SEM1: variants seen among roughly 807,000 people sequenced by gnomAD.
SEM1 encodes the protein SEM1 26S proteasome subunit.
SEM1 carries 3 observed loss-of-function variants against 12.7 expected under a neutral mutation model. The ratio of observed to expected loss-of-function variants is 0.24; its 90% CI spans 0.11 to 0.61. The LOEUF is 0.61. SEM1 is among the 20% of genes least tolerant of loss of function. The probability of loss-of-function intolerance (pLI) is 0.88; values close to 1 mark genes in which losing one functional copy is unlikely to be tolerated. For synonymous variants in SEM1, 30 were observed against 27.8 expected (o/e 1.08, Z -0.25); for missense variants, 59 against 81.3 (o/e 0.73, Z 1.06).
intron 1 of SEM1, among the ~76,000 whole-genome samples, chr7:96,707,901 T>C (rs1351175286): frequency 2.6e-5 from 4 of 152,230 alleles, no homozygotes; most frequent in African/African-American, 7.2e-5. Flanking sequence ...CTACTATGTA[T>C]CAGGCACTTT....
downstream of SEM1, among the ~76,000 whole-genome samples, chr7:96,686,451 C>G (rs115314957): frequency 1.5e-3 from 222 of 152,274 alleles, no homozygotes; most frequent in African/African-American, 5.0e-3. Flanking sequence ...AAGTGGCCAT[C>G]ATTCAGGCCA....
chr7:96,593,912 GT>G lies in SEM1; in HGVS notation c.171-87215del, dbSNP rs538448382. 7.0e-3 allele frequency among the ~76,000 whole-genome samples: 990 copies of G among 141,528 alleles called. 10 individuals carry two copies. The highest frequency in any genetic ancestry group is 0.024 in the African/African-American group (916 of 38,626). The allele number at this position is 141,528 out of a possible 152,430, so 92.8% of individuals were successfully genotyped here. On this transcript the variant is annotated intron_variant and NMD_transcript_variant, in intron 2 of 3. Coordinates refer to the SEM1 transcript ENST00000466986. The stretch of plus-strand genomic sequence containing the variant: ...ACTATGTAGATAAAAAGTTGGGTTT[GT>G]TTTTTTTTTAATAAGCAAAACTGGA...
In SEM1 at chr7:96,634,027, A is replaced by T. The variant is rs572415564; in HGVS notation, c.171-11384T>A. ...AATGTCTTTAAAAGATAGGTAGGTA[A>T]CCTAAATGCATGATCTCTCCTTGTG... On this transcript the variant is annotated intron_variant, in intron 2 of 2. Coordinates refer to the SEM1 transcript ENST00000417009. Among the ~76,000 whole-genome samples, 91 of 152,250 alleles carry T rather than the reference A, an allele frequency of 6.0e-4. 2 individuals carry two copies. In the South Asian group the frequency reaches 0.018, roughly 30 times the overall value.
chr7:96,609,426 C>A (rs1807478313), intron 2 of SEM1, among the ~76,000 whole-genome samples: 1 of 152,132 alleles, frequency 6.6e-6, no homozygotes, highest in Non-Finnish European at 1.5e-5. Context: ...AAAGTAATTT[C>A]TAATGCATTA....
At chr7:96,688,339 G>A (rs192034384), downstream of SEM1, 2 of 152,180 alleles carry the variant, frequency 1.3e-5, no homozygotes, top group Admixed American at 1.3e-4. Flanking sequence ...TGGACTTTAA[G>A]TACCAATAAT....
chr7:96,576,175 A>G (rs1046839536), intron 2 of SEM1, among the ~76,000 whole-genome samples: 1 of 152,196 alleles, frequency 6.6e-6, no homozygotes, highest in Non-Finnish European at 1.5e-5. Flanking sequence ...TAGGCATGCT[A>G]CAGTGTATTT....
At chr7:96,676,698 A>C (rs1789457612) in intron 2 of SEM1, among the ~76,000 whole-genome samples, 1 of 152,132 alleles carries the variant, frequency 6.6e-6, no homozygotes, top group South Asian at 2.1e-4. Flanking sequence ...CAATTTTCCC[A>C]TGACTGTTTT....
intron 2 of SEM1, among the ~76,000 whole-genome samples, chr7:96,664,729 C>A (rs1340533071): frequency 6.6e-6 from 1 of 152,118 alleles, no homozygotes; most frequent in Non-Finnish European, 1.5e-5. Flanking sequence ...ACACACACAC[C>A]AGGATACATG....
downstream of SEM1, among the ~76,000 whole-genome samples, chr7:96,618,628 G>A (rs1233421141): frequency 6.6e-6 from 1 of 151,950 alleles, no homozygotes; most frequent in African/African-American, 2.4e-5. Context: ...CAGAAGACCA[G>A]TCTTCAGCTT....
At chr7:96,577,040 C>T (rs970020905) in intron 2 of SEM1, among the ~76,000 whole-genome samples, 1 of 152,014 alleles carries the variant, frequency 6.6e-6, no homozygotes, top group African/African-American at 2.4e-5. Context: ...TCGATTGAAC[C>T]CAGGAGTCAG....
intron 2 of SEM1, among the ~76,000 whole-genome samples, chr7:96,559,328 G>T (rs1211579347): frequency 6.6e-6 from 1 of 152,108 alleles, no homozygotes; most frequent in African/African-American, 2.4e-5. Context: ...TGTGGCCCAG[G>T]CTGGAGTGCA....
chr7:96,698,251 T>C (rs569948990), intron 1 of SEM1, among the ~76,000 whole-genome samples: 9 of 150,158 alleles, frequency 6.0e-5, no homozygotes, highest in African/African-American at 2.2e-4. Context: ...CTTTGTTGAT[T>C]TGGGATTTTT....
downstream of SEM1, among the ~76,000 whole-genome samples, chr7:96,621,113 ATGT>A (rs1807879634): frequency 6.6e-6 from 1 of 152,204 alleles, no homozygotes; most frequent in African/African-American, 2.4e-5. Context: ...GTACATAATT[ATGT>A]ATTGTTAAAA....
chr7:96,492,693 AG>A lies in SEM1; in HGVS notation c.12+3590del, dbSNP rs1460591296. Among the ~76,000 whole-genome samples, 11 of 146,114 alleles carry A rather than the reference AG, an allele frequency of 7.5e-5. No homozygotes were observed. In the East Asian group the frequency reaches 2.1e-3, roughly 27 times the overall value. On this transcript the variant is annotated intron_variant, in intron 1 of 3. Transcript: ENST00000356686. ...CGATCCACCAGCCTTGGCCTCCCAA[AG>A]TACTAGGATTACAGGTGTGAGCTAC...
At chr7:96,574,252 A>C in intron 2 of SEM1, among the ~76,000 whole-genome samples, 1 of 152,172 alleles carries the variant, frequency 6.6e-6, no homozygotes, top group Non-Finnish European at 1.5e-5. Context: ...ATATCCCTAC[A>C]AAGGACATGA....
intron 2 of SEM1, among the ~76,000 whole-genome samples, chr7:96,535,837 C>T (rs1804770995): frequency 1.3e-5 from 2 of 151,930 alleles, no homozygotes; most frequent in African/African-American, 4.8e-5. Context: ...ACATGTACCA[C>T]ATTTTCTTTA....
At chr7:96,607,649 C>A (rs950533479) in intron 2 of SEM1, among the ~76,000 whole-genome samples, 4 of 152,178 alleles carry the variant, frequency 2.6e-5, no homozygotes, top group African/African-American at 9.7e-5. Context: ...TGTGCCATCC[C>A]CAGCTGCCCA....
At chr7:96,540,973 A>T (rs1242114279) in intron 2 of SEM1, among the ~76,000 whole-genome samples, 1 of 151,868 alleles carries the variant, frequency 6.6e-6, no homozygotes, top group African/African-American at 2.4e-5. Context: ...CATTTTCTTT[A>T]ATCCACCATT....
chr7:96,589,336 A>G (rs1302970520), intron 2 of SEM1, among the ~76,000 whole-genome samples: 1 of 152,178 alleles, frequency 6.6e-6, no homozygotes, highest in East Asian at 1.9e-4. Context: ...GGATTAGAGC[A>G]CACATTGAGG....
Sources: allele counts gnomAD v4.1 joint callset (sites outside exome capture counted in the v4.1 genomes callset), GRCh38; gene constraint gnomAD v4.1.1; transcripts MANE v1.5; gene names NCBI Gene and HGNC (gene_info 2026-07-23, HGNC 2026-07-21).